Variants in FLNA observed in about 807,000 individuals in gnomAD.
FLNA encodes filamin A, also known as filamin-A.
Under a neutral mutation model 157.6 loss-of-function variants are expected in FLNA, and 7 were observed. That is an observed-to-expected ratio of 0.04 (90% CI 0.03 to 0.08). FLNA has a LOEUF of 0.08. FLNA is among the 10% of genes least tolerant of loss of function. FLNA has a pLI of 1.00. For synonymous variants in FLNA, 1,103 were observed against 1,060.8 expected (o/e 1.04, Z -0.77); for missense variants, 1,750 against 2,398.4 (o/e 0.73, Z 5.65).
Position 154,358,545 on chromosome X carries a change from C to G in FLNA, c.4498G>C (p.Val1500Leu). The change falls in exon 27 of 48, where the codon GTA becomes CTA. Residue 1500 changes from valine to leucine, a missense_variant. Physicochemically the swap from Val to Leu is conservative, Grantham distance 32. Transcript: ENST00000369850. ...PKGLVEPVDVVDNADGTQTVN... is the reference protein window; with the variant it reads ...PKGLVEPVDVLDNADGTQTVN... ...GTCTGGGTGCCATCAGCGTTGTCTA[C>G]CACGTCCACTGGCTCCACCAGGCCT... 1.7e-6 allele frequency: 2 copies of G among 1,210,314 alleles called. No homozygotes were observed. Among genetic ancestry groups the G allele is most frequent in the Non-Finnish European group, 2.2e-6 (2 of 894,884 alleles).
chrX:154,365,606 T>C (rs1399356009), intron 9 of FLNA, 120 bp from the exon 10 acceptor site: 1 of 884,211 alleles, frequency 1.1e-6, no homozygotes, highest in East Asian at 3.4e-5. Context: ...GAGGGGGACA[T>C]GCAAGACAGA....
At position 154,364,504 on chromosome X, in the gene FLNA, G is replaced by A; in HGVS notation, c.2022+22C>T. 4.1e-6 allele frequency: 5 copies of A among 1,205,802 alleles called. 1 individual carries two copies. Among genetic ancestry groups the A allele is most frequent in the Non-Finnish European group, 5.6e-6 (5 of 892,860 alleles). Reference sequence around the variant, plus strand: ...GCAGGAGCAGCAGGGCGAGACTTAGGCCATCACAGCCTGCTCTTTACCCTG... The same window carrying A: ...GCAGGAGCAGCAGGGCGAGACTTAGACCATCACAGCCTGCTCTTTACCCTG... On this transcript the variant is annotated intron_variant, in intron 13 of 47. Coordinates refer to ENST00000369850, the MANE Select transcript of FLNA (RefSeq NM_001110556.2).
rs199911951 is a variant in FLNA at position 154,362,080 on chromosome X, C to A, written c.2725G>T (p.Val909Phe). 2 of 1,211,063 alleles carry A rather than the reference C, an allele frequency of 1.7e-6. No homozygotes were observed. Among genetic ancestry groups the A allele is most frequent in the Non-Finnish European group, 2.2e-6 (2 of 894,985 alleles). ...AKAAGKGKLD[V>F]QFSGLTKGDA... ...CCCTTGGTGAGTCCTGAGAACTGGA[C>A]GTCCAGCTTGCCTTTGCCAGCAGCT... The change falls in exon 19 of 48, where the codon GTC becomes TTC. Residue 909 changes from valine (V) to phenylalanine (F), a missense_variant. Coordinates refer to ENST00000369850, the MANE Select transcript of FLNA (RefSeq NM_001110556.2).
intron 2 of FLNA, among the ~76,000 whole-genome samples, chrX:154,370,327 T>C (rs1178028621): frequency 9.0e-6 from 1 of 111,598 alleles, no homozygotes; most frequent in African/African-American, 3.3e-5. Context: ...CCTGTGTGTG[T>C]GTGGGGGGGT....
rs782387573 is a variant in FLNA at position 154,354,007 on chromosome X, C to T, written c.5594G>A (p.Cys1865Tyr). Reference sequence around the variant, plus strand: ...AGGCCCATAGGCAGTGACATGGCCACAGTTGACGTAATCCACATAGAACTG... The same window carrying T: ...AGGCCCATAGGCAGTGACATGGCCATAGTTGACGTAATCCACATAGAACTG... The part of the protein sequence containing the change: ...PLQFYVDYVN[C>Y]GHVTAYGPGL... Residue 1865 changes from cysteine (C) to tyrosine (Y), a missense_variant, in exon 35 of 48, where the codon TGT becomes TAT. Around this residue, in one of 5 missense-constraint regions of FLNA, gnomAD observed 970 missense variants for 1,302.6 expected, o/e 0.74. Transcript: ENST00000369850. 1.7e-6 allele frequency: 2 copies of T among 1,211,936 alleles called. No homozygotes were observed. Among genetic ancestry groups the T allele is most frequent in the East Asian group, 3.0e-5 (1 of 33,878 alleles).
chrX:154,365,881 A>G, intron 9 of FLNA, 143 bp downstream of exon 9: 1 of 505,189 alleles, frequency 2.0e-6, no homozygotes, highest in East Asian at 3.6e-5. Flanking sequence ...CAGGGGAGGA[A>G]AAACAGCATG....
rs201523624 is a variant in FLNA, at chrX:154,362,248, G to T, written c.2650C>A (p.Arg884Ser). The change falls in exon 18 of 48, where the codon CGC becomes AGC. Residue 884 changes from arginine to serine, a missense_variant. Physicochemically the swap from Arg to Ser is moderately radical, Grantham distance 110. Transcript: ENST00000369850. ...KVKAEGPGLS[R>S]TGVELGKPTH... ...ATGGGGTACCTGTCCTCACCAGTGC[G>T]ACTGAGGCCAGGGCCCTCGGCCTTC... is the stretch of plus-strand genomic sequence containing the variant. 12 of 1,208,836 alleles carry T rather than the reference G, an allele frequency of 9.9e-6. No individual in the cohort carries two copies. Among genetic ancestry groups the T allele is most frequent in the African/African-American group, 3.5e-5 (2 of 57,279 alleles).
In FLNA at chrX:154,352,028, G is replaced by T; in HGVS notation, c.6770-7C>A. ...GTCCAGATACTGAATTCGGCTGTGG[G>T]AGAACAGTTTGTCCTCACTGAAGGC... On this transcript the variant is annotated splice_region_variant and splice_polypyrimidine_tract_variant and intron_variant, in intron 41 of 47. Coordinates refer to ENST00000369850, the MANE Select transcript of FLNA (RefSeq NM_001110556.2). 8.3e-7 allele frequency: 1 copy of T among 1,211,593 alleles called. No individual in the cohort carries two copies.
chrX:154,364,941 C>T lies in FLNA; in HGVS notation c.1708G>A (p.Val570Met). ...NIGRSPFEVKVGTECGNQKVR... is the reference protein window; with the variant it reads ...NIGRSPFEVKMGTECGNQKVR... ...TTCTGATTGCCACACTCGGTGCCCA[C>T]CTTCACTTCGAAGGGACTGCAAATG... The change falls in exon 12 of 48, where the codon GTG becomes ATG. Residue 570 changes from valine (V) to methionine (M), a missense_variant. Around this residue, in one of 5 missense-constraint regions of FLNA, gnomAD observed 648 missense variants for 805.8 expected, o/e 0.80. Transcript: ENST00000369850. The T allele has an allele frequency of 8.3e-7, 1 of 1,211,563 alleles. No individual in the cohort carries two copies. The highest frequency in any genetic ancestry group is 3.0e-5 in the East Asian group (1 of 33,874).
intron 26 of FLNA, 143 bp from the exon 27 acceptor site, chrX:154,358,711 C>A: frequency 1.3e-6 from 1 of 792,429 alleles, no homozygotes; most frequent in Non-Finnish European, 1.9e-6. Context: ...GGCCTTGACC[C>A]CCTCTGGCAC....
At chrX:154,361,060 A>AAAAAAAAAAAAAAAAAAAG in intron 21 of FLNA, among the ~76,000 whole-genome samples, 1 of 85,136 alleles carries the variant, frequency 1.2e-5, no homozygotes, top group African/African-American at 5.5e-5. Flanking sequence ...AAAAAAAAAA[A>AAAAAAAAAAAAAAAAAAAG]AAAAAAAAAA....
In FLNA at chrX:154,359,794, T is replaced by C; in HGVS notation, c.3917A>G (p.Glu1306Gly). Reference sequence around the variant, plus strand: ...ATCGCCACGGTCCTGAACGTAGGTCTCCGTCAGGTTGCCTGAGGGGTTGGC... The same window carrying C: ...ATCGCCACGGTCCTGAACGTAGGTCCCCGTCAGGTTGCCTGAGGGGTTGGC... Reference protein sequence around the residue: ...RVANPSGNLTETYVQDRGDGM... With the variant: ...RVANPSGNLTGTYVQDRGDGM... The change falls in exon 23 of 48, where the codon GAG (glutamate) becomes GGG (glycine). Residue 1306 changes from glutamate (E) to glycine (G), a missense_variant. Physicochemically the swap from Glu to Gly is moderately conservative, Grantham distance 98. Transcript: ENST00000369850. 2 of 1,210,845 alleles carry C rather than the reference T, an allele frequency of 1.7e-6. No homozygotes were observed. The highest frequency in any genetic ancestry group is 1.8e-5 in the South Asian group (1 of 57,003).
chrX:154,361,058 A>AAAAAAAAAAC (rs2067703985), intron 21 of FLNA, among the ~76,000 whole-genome samples: 1 of 84,092 alleles, frequency 1.2e-5, no homozygotes, highest in African/African-American at 5.6e-5. Context: ...AAAAAAAAAA[A>AAAAAAAAAAC]AAAAAAAAAA....
At position 154,361,046 on chromosome X, in the gene FLNA, C is replaced by CAAAAAAAAAAAAAAAAAAAAAAAAAAA. The variant is rs59672916; in HGVS notation, c.3207+235_3207+261dup. Among the ~76,000 whole-genome samples the CAAAAAAAAAAAAAAAAAAAAAAAAAAA allele has an allele frequency of 7.0e-4, 14 of 19,991 alleles. 1 individual carries two copies. Among genetic ancestry groups the CAAAAAAAAAAAAAAAAAAAAAAAAAAA allele is most frequent in the African/African-American group, 9.8e-4 (5 of 5,118 alleles). The allele number at this position is 19,991 out of a possible 115,157, so 17.4% of individuals were successfully genotyped here. On this transcript the variant is annotated intron_variant, in intron 21 of 47. Coordinates refer to ENST00000369850, the MANE Select transcript of FLNA (RefSeq NM_001110556.2). ...TGGGCGACAGAGTGAGACTCTTTCT[C>CAAAAAAAAAAAAAAAAAAAAAAAAAAA]AAAAAAAAAAAAAAAAAAAAAAAAA...
At position 154,366,774 on chromosome X, in the gene FLNA, C is replaced by T. The variant is rs2148118444; in HGVS notation, c.945G>A (p.Glu315=). 1.7e-6 allele frequency: 2 copies of T among 1,211,665 alleles called. No homozygotes were observed. Among genetic ancestry groups the T allele is most frequent in the South Asian group, 3.5e-5 (2 of 57,036 alleles). The change falls in exon 6 of 48, where the codon GAG becomes GAA. Residue 315 remains glutamate (E), a synonymous_variant. Transcript: ENST00000369850. The part of the protein sequence containing the change: ...TVETRSAGQG[E]VLVYVEDPAG... ...CCGGGTCCTCCACGTACACCAGCAC[C>T]TCTCCCTGGCCAGCACTTCTGGTCT... is the stretch of plus-strand genomic sequence containing the variant.
At chrX:154,364,778 C>G in intron 12 of FLNA, 43 bp downstream of exon 12, 1 of 1,210,519 alleles carries the variant, frequency 8.3e-7, no homozygotes, top group Non-Finnish European at 1.1e-6. Context: ...CCGTCCTTGC[C>G]ATCGTCTGTC....
At chrX:154,353,759 A>AT (rs782123820) in intron 35 of FLNA, 32 bp from the exon 36 acceptor site, 1 of 1,201,134 alleles carries the variant, frequency 8.3e-7, no homozygotes, top group Non-Finnish European at 1.1e-6. Context: ...CATGGGAACT[A>AT]TGCTGGGGAC....
chrX:154,366,628 G>A lies in FLNA; in HGVS notation c.999C>T (p.Thr333=), dbSNP rs1167180795. 14 of 1,210,343 alleles carry A rather than the reference G, an allele frequency of 1.2e-5. No homozygotes were observed. The highest frequency in any genetic ancestry group is 1.8e-5 in the South Asian group (1 of 56,913). The change falls in exon 7 of 48, where the codon ACC becomes ACT. Residue 333 remains threonine (T), a synonymous_variant. Coordinates refer to ENST00000369850, the MANE Select transcript of FLNA (RefSeq NM_001110556.2). ...AGGTGCGGTTCTTGTCGTTATTGGCGGTCACTTTTGCCTGCAGTGGGAAGG... is the reference window on the plus strand; with the variant it reads ...AGGTGCGGTTCTTGTCGTTATTGGCAGTCACTTTTGCCTGCAGTGGGAAGG... The part of the protein sequence containing the change: ...PAGHQEEAKV[T]ANNDKNRTFS...
chrX:154,371,371 G>A lies in FLNA; in HGVS notation c.-116-10C>T, dbSNP rs2067807077. The A allele has an allele frequency of 2.2e-6, 2 of 900,021 alleles. No homozygotes were observed. The highest frequency in any genetic ancestry group is 3.0e-6 in the Non-Finnish European group (2 of 660,042). The allele number at this position is 900,021 out of a possible 1,213,427, so 74.2% of individuals were successfully genotyped here. On this transcript the variant is annotated splice_polypyrimidine_tract_variant and intron_variant, in intron 1 of 47. Transcript: ENST00000369850. ...GGGAGCAGAGGTTGCGCTGCGGAGA[G>A]AGCGAGCCCTTTAAATGCGGGAGGA...
Sources: allele counts gnomAD v4.1 joint callset (sites outside exome capture counted in the v4.1 genomes callset), GRCh38; gene constraint gnomAD v4.1.1; regional missense constraint gnomAD v4.1.1; transcripts MANE v1.5; gene names NCBI Gene and HGNC (gene_info 2026-07-23, HGNC 2026-07-21).